The following NR1H4 variants were observed in gnomAD, a reference collection of about 807,000 sequenced individuals.
NR1H4 encodes the protein nuclear receptor subfamily 1 group H member 4.
NR1H4 carries 23 observed loss-of-function variants against 58.5 expected under a neutral mutation model. The observed-to-expected ratio is 0.39, with a 90% CI of 0.28 to 0.56. The LOEUF (loss-of-function observed/expected upper bound fraction) is 0.56. NR1H4 is among the 20% of genes least tolerant of loss of function. NR1H4 has a pLI of 0.58. For synonymous variants in NR1H4, 214 were observed against 198.0 expected, an observed-to-expected ratio of 1.08 and a Z score of -0.68; for missense variants, 487 against 576.9, an observed-to-expected ratio of 0.84 and a Z score of 1.60.
rs1377955260 is a variant in NR1H4, at chr12:100,493,289, C to T, written c.-35C>T. ...TTTCAGGAGTTTTTTTTGAAGACCA[C>T]CATAAAGAAAGTGCATTTCAATTGA... On this transcript the variant is annotated 5_prime_UTR_variant, in exon 3 of 11. Coordinates refer to ENST00000392986, the MANE Select transcript of NR1H4 (RefSeq NM_001206979.2). The T allele has an allele frequency of 9.5e-7, 1 of 1,057,444 alleles. No individual in the cohort carries two copies. Among genetic ancestry groups the T allele is most frequent in the Admixed American group, 1.9e-5 (1 of 53,360 alleles). 65.5% of individuals were successfully genotyped at this position (1,057,444 alleles called of 1,614,324 possible).
chr12:100,524,138 C>T (rs1954496840), intron 4 of NR1H4, among the ~76,000 whole-genome samples: 1 of 151,888 alleles, frequency 6.6e-6, no homozygotes, highest in Non-Finnish European at 1.5e-5. Context: ...ATGTTTAAAG[C>T]AAACATATAA....
Position 100,474,375 on chromosome 12 carries a change from A to G in NR1H4, c.-190+316A>G, listed in dbSNP as rs78243656. 3.5e-3 allele frequency among the ~76,000 whole-genome samples: 537 copies of G among 152,362 alleles called. 1 individual carries two copies. Among genetic ancestry groups the G allele is most frequent in the Non-Finnish European group, 6.4e-3 (433 of 68,030 alleles). On this transcript the variant is annotated intron_variant, in intron 1 of 10. Coordinates refer to ENST00000392986, the MANE Select transcript of NR1H4 (RefSeq NM_001206979.2). ...TCAGAAATGTCTCCGTTCTGATTCC[A>G]TAAACAATTTGACTTGTATAGTGTG...
chr12:100,513,606 C>A (rs1388170486), intron 4 of NR1H4, among the ~76,000 whole-genome samples: 3 of 152,184 alleles, frequency 2.0e-5, no homozygotes, highest in South Asian at 2.1e-4. Context: ...ACCAGCCTGG[C>A]CAACATGGTG....
intron 1 of NR1H4, among the ~76,000 whole-genome samples, chr12:100,483,985 GAAAAAAA>G (rs61582838): frequency 5.7e-5 from 4 of 70,228 alleles, no homozygotes; most frequent in Admixed American, 3.6e-4. Flanking sequence ...CTCTGTCTCA[GAAAAAAA>G]AAAAAAAAAA....
intron 3 of NR1H4, among the ~76,000 whole-genome samples, chr12:100,508,808 A>T (rs531008846): frequency 6.6e-6 from 1 of 152,274 alleles, no homozygotes; most frequent in South Asian, 2.1e-4. Context: ...CCAAAGCCCC[A>T]AAAAACCACG....
intron 4 of NR1H4, among the ~76,000 whole-genome samples, chr12:100,532,018 G>A (rs1954705422): frequency 6.6e-6 from 1 of 152,128 alleles, no homozygotes; most frequent in Non-Finnish European, 1.5e-5. Context: ...CTGCCGCAGT[G>A]CAGCTTTTAG....
At chr12:100,513,823 A>T (rs1954190967) in intron 4 of NR1H4, among the ~76,000 whole-genome samples, 1 of 133,234 alleles carries the variant, frequency 7.5e-6, no homozygotes. Context: ...GAAGGAAGGA[A>T]GGAAGGAAGG....
chr12:100,503,732 CTT>C (rs1953891471), intron 3 of NR1H4, among the ~76,000 whole-genome samples: 1 of 152,138 alleles, frequency 6.6e-6, no homozygotes, highest in Non-Finnish European at 1.5e-5. Flanking sequence ...TTCATAGACT[CTT>C]ATGTCAAATT....
intron 3 of NR1H4, among the ~76,000 whole-genome samples, chr12:100,497,690 T>A (rs891930783): frequency 1.3e-5 from 2 of 152,088 alleles, no homozygotes; most frequent in African/African-American, 4.8e-5. Flanking sequence ...AAAGATTAAT[T>A]TAGTGGATTA....
intron 4 of NR1H4, among the ~76,000 whole-genome samples, chr12:100,517,334 C>T (rs140034939): frequency 1.5e-3 from 234 of 152,324 alleles, no homozygotes; most frequent in South Asian, 0.014. Context: ...CCTCCGGGCT[C>T]ATCCATGTTA....
chr12:100,557,625 C>A (rs1167901438), intron 9 of NR1H4, among the ~76,000 whole-genome samples: 1 of 152,188 alleles, frequency 6.6e-6, no homozygotes, highest in Non-Finnish European at 1.5e-5. Context: ...TTGGAGTTGC[C>A]AGTGTCTATT....
chr12:100,478,890 C>T (rs541311213), intron 1 of NR1H4, among the ~76,000 whole-genome samples: 18 of 152,338 alleles, frequency 1.2e-4, no homozygotes, highest in Admixed American at 1.1e-3. Context: ...TATTTTCATA[C>T]ACTTTGAATA....
intron 9 of NR1H4, among the ~76,000 whole-genome samples, chr12:100,543,358 A>G (rs1366405767): frequency 6.6e-6 from 1 of 152,114 alleles, no homozygotes; most frequent in Non-Finnish European, 1.5e-5. Context: ...GTCAAAATTA[A>G]GCTTTACAAA....
chr12:100,475,200 A>C (rs1293424505), intron 1 of NR1H4, among the ~76,000 whole-genome samples: 1 of 151,490 alleles, frequency 6.6e-6, no homozygotes, highest in East Asian at 1.9e-4. Context: ...GGGAGAAGAG[A>C]GGAAAAGATG....
chr12:100,538,206 C>T (rs996781053), intron 8 of NR1H4, among the ~76,000 whole-genome samples: 4 of 152,022 alleles, frequency 2.6e-5, no homozygotes, highest in South Asian at 2.1e-4. Context: ...AAAGAGATTT[C>T]GGTGGTTTTT....
intron 7 of NR1H4, 60 bp from the exon 8 acceptor site, chr12:100,536,888 G>T (rs1277829627): frequency 1.5e-5 from 16 of 1,033,384 alleles, no homozygotes; most frequent in Non-Finnish European, 2.2e-5. Flanking sequence ...TAGTCTAATG[G>T]TTTTATATTA....
At chr12:100,525,035 A>G (rs1268618422) in intron 4 of NR1H4, among the ~76,000 whole-genome samples, 1 of 152,050 alleles carries the variant, frequency 6.6e-6, no homozygotes, top group Non-Finnish European at 1.5e-5. Flanking sequence ...GTTATTTTGG[A>G]GACGATGCTT....
chr12:100,474,816 G>A (rs1324641330), intron 1 of NR1H4, among the ~76,000 whole-genome samples: 2 of 152,126 alleles, frequency 1.3e-5, no homozygotes, highest in African/African-American at 2.4e-5. Context: ...AATGACAAGT[G>A]ACTCACCTTG....
intron 9 of NR1H4, among the ~76,000 whole-genome samples, chr12:100,541,748 C>A (rs1954941133): frequency 6.6e-6 from 1 of 151,512 alleles, no homozygotes; most frequent in African/African-American, 2.4e-5. Context: ...AGGCGCATGC[C>A]ATCACACCCA....
Sources: gnomAD v4.1 joint callset for allele counts (sites outside exome capture counted in the v4.1 genomes callset) on GRCh38, gnomAD v4.1.1 for gene constraint, MANE v1.5 for transcripts, NCBI Gene and HGNC (gene_info 2026-07-23, HGNC 2026-07-21) for gene names.